The following INTS4 variants were observed in gnomAD, a reference collection of about 807,000 sequenced individuals.
The protein encoded by INTS4 is MSTP093.
Under a neutral mutation model 119.5 loss-of-function variants are expected in INTS4, and 70 were observed. The observed-to-expected ratio is 0.59, with a 90% CI of 0.48 to 0.71. INTS4 has a LOEUF of 0.71. Among genes scored for constraint, INTS4 ranks in the 30% least tolerant of loss-of-function variants. The pLI is 0.00. For missense variants in INTS4, 867 were observed against 1,173.2 expected, an observed-to-expected ratio of 0.74 and a Z score of 3.81; for synonymous variants, 316 against 419.6, an observed-to-expected ratio of 0.75 and a Z score of 3.02.
At position 77,924,524 on chromosome 11, in the gene INTS4, A is replaced by G. The variant is rs764333231; in HGVS notation, c.1514+226T>C. On this transcript the variant is annotated intron_variant, in intron 12 of 22. Transcript: ENST00000534064. Reference sequence around the variant, plus strand: ...ATAGTCAGCACACAGCAGGCACATAATATTTGCTAGGTGGATAGATGCACA... The same window carrying G: ...ATAGTCAGCACACAGCAGGCACATAGTATTTGCTAGGTGGATAGATGCACA... 5 of 495,940 alleles carry G rather than the reference A, an allele frequency of 1.0e-5. No individual in the cohort carries two copies. The Admixed American group carries it at 1.0e-4, about 10-fold the overall frequency. 30.7% of individuals were successfully genotyped at this position (495,940 alleles called of 1,614,324 possible). A position where few individuals can be genotyped will look rare whatever the true frequency, so the allele number is the denominator to read the frequency against.
chr11:77,989,809 G>C (rs1018946632), intron 2 of INTS4, among the ~76,000 whole-genome samples: 1 of 152,164 alleles, frequency 6.6e-6, no homozygotes, highest in Non-Finnish European at 1.5e-5. Context: ...TGAGGCAGGA[G>C]GATCAATTGA....
chr11:77,956,484 A>G (rs1954324413), intron 7 of INTS4, among the ~76,000 whole-genome samples: 1 of 152,152 alleles, frequency 6.6e-6, no homozygotes. Context: ...AGGCAGGTGG[A>G]TAACTTGAGG....
intron 18 of INTS4, among the ~76,000 whole-genome samples, chr11:77,900,304 T>C (rs1367775026): frequency 6.6e-6 from 1 of 152,052 alleles, no homozygotes; most frequent in Non-Finnish European, 1.5e-5. Flanking sequence ...TTTCACCATG[T>C]TAGCCAGGAT....
At chr11:77,988,085 AAAAG>A (rs1856525758) in intron 2 of INTS4, among the ~76,000 whole-genome samples, 1 of 152,230 alleles carries the variant, frequency 6.6e-6, no homozygotes, top group Non-Finnish European at 1.5e-5. Context: ...GAACAACAAA[AAAAG>A]AAAGCCTGAT....
chr11:77,954,439 C>A (rs573821766), intron 8 of INTS4, among the ~76,000 whole-genome samples: 1 of 152,192 alleles, frequency 6.6e-6, no homozygotes, highest in South Asian at 2.1e-4. Flanking sequence ...CATGAGCCAC[C>A]ATGCCCCAAC....
intron 4 of INTS4, among the ~76,000 whole-genome samples, chr11:77,969,901 A>T (rs939900806): frequency 1.3e-5 from 2 of 152,044 alleles, no homozygotes; most frequent in Non-Finnish European, 2.9e-5. Flanking sequence ...ATATAAACTG[A>T]CTCATGTAAT....
intron 8 of INTS4, among the ~76,000 whole-genome samples, chr11:77,944,846 A>C (rs1454075710): frequency 3.3e-5 from 5 of 152,208 alleles, no homozygotes; most frequent in Admixed American, 1.3e-4. Flanking sequence ...TCCAAAATCC[A>C]AAAGCAAAAC....
chr11:77,955,312 G>A (rs1030910912), intron 8 of INTS4, among the ~76,000 whole-genome samples: 1 of 152,146 alleles, frequency 6.6e-6, no homozygotes, highest in African/African-American at 2.4e-5. Context: ...ACTCCTGCCT[G>A]AGCAACAGAG....
chr11:77,884,111 A>G (rs887623885), intron 21 of INTS4, among the ~76,000 whole-genome samples, 159 bp from the exon 22 acceptor site: 2 of 152,200 alleles, frequency 1.3e-5, no homozygotes, highest in African/African-American at 4.8e-5. Context: ...AGACATCTCT[A>G]TTCCCCTAAT....
rs1954466112 is a variant in INTS4 at position 77,961,158 on chromosome 11, A to AG, written c.472-21_472-20insC. 2.0e-6 allele frequency: 3 copies of AG among 1,534,526 alleles called. No individual in the cohort carries two copies. Among genetic ancestry groups the AG allele is most frequent in the Non-Finnish European group, 2.6e-6 (3 of 1,148,754 alleles). On this transcript the variant is annotated intron_variant, in intron 4 of 22. Coordinates refer to ENST00000534064, the MANE Select transcript of INTS4 (RefSeq NM_033547.4). Reference sequence around the variant, plus strand: ...CAGATGCTATTAAAAAAAAAAAAAAAAAGAAAAAAAGAAAAAGAAAAAAAG... The same window carrying AG: ...CAGATGCTATTAAAAAAAAAAAAAAAGAAGAAAAAAAGAAAAAGAAAAAAAG...
In INTS4 at chr11:77,955,980, C is replaced by T; in HGVS notation, c.880G>A (p.Gly294Ser). Residue 294 changes from glycine (G) to serine (S), a missense_variant, in exon 8 of 23, where the codon GGC (glycine) becomes AGC (serine). Transcript: ENST00000534064. The stretch of plus-strand genomic sequence containing the variant: ...GCCTGAACACGAACCACCCAAGAGC[C>T]ATCACTGACCATGTGACAAATTTTG... Reference protein sequence around the residue: ...FGKICHMVSDGSWVVRVQAAK... With the variant: ...FGKICHMVSDSSWVVRVQAAK... 6.2e-7 allele frequency: 1 copy of T among 1,611,372 alleles called. No individual in the cohort carries two copies. The highest frequency in any genetic ancestry group is 8.5e-7 in the Non-Finnish European group (1 of 1,179,670).
chr11:77,900,504 C>T, intron 18 of INTS4: 1 of 589,710 alleles, frequency 1.7e-6, no homozygotes, highest in African/African-American at 1.9e-5. Context: ...TATTTCTGAC[C>T]TAGTATGTTT....
chr11:77,910,512 C>T (rs1953066741), intron 15 of INTS4, among the ~76,000 whole-genome samples: 2 of 151,372 alleles, frequency 1.3e-5, no homozygotes, highest in Non-Finnish European at 2.9e-5. Flanking sequence ...TTAATGGGTG[C>T]AGCACACCAA....
chr11:77,906,893 A>C (rs1448292553), intron 16 of INTS4, among the ~76,000 whole-genome samples: 1 of 152,234 alleles, frequency 6.6e-6, no homozygotes. Flanking sequence ...AATTTATAGT[A>C]AAATTCTGCT....
chr11:77,895,543 A>AG (rs1565229019), intron 18 of INTS4, among the ~76,000 whole-genome samples: 1 of 149,246 alleles, frequency 6.7e-6, no homozygotes, highest in East Asian at 1.9e-4. Flanking sequence ...AAAAAAAAAA[A>AG]AAAAAAAAAA....
At chr11:77,905,941 GTC>G (rs1282754376) in intron 16 of INTS4, among the ~76,000 whole-genome samples, 1 of 152,034 alleles carries the variant, frequency 6.6e-6, no homozygotes, top group Non-Finnish European at 1.5e-5. Flanking sequence ...TGTTGTTATT[GTC>G]TGTTTTATTA....
intron 10 of INTS4, among the ~76,000 whole-genome samples, chr11:77,935,688 G>C (rs898061032): frequency 2.0e-5 from 3 of 151,962 alleles, no homozygotes; most frequent in African/African-American, 7.3e-5. Context: ...TTGAGGCCAG[G>C]ACTTCAAGCC....
rs756021845 is a variant in INTS4, at chr11:77,978,959, A to G, written c.471+37T>C. 2.0e-5 allele frequency: 26 copies of G among 1,289,560 alleles called. 1 individual carries two copies. The highest frequency in any genetic ancestry group is 5.1e-5 in the Admixed American group (3 of 59,110). 79.9% of individuals were successfully genotyped at this position (1,289,560 alleles called of 1,614,324 possible). A position where few individuals can be genotyped will look rare whatever the true frequency, so the allele number is the denominator to read the frequency against. ...TGGTCCTTAGCAGTCCTCAGTTACCAGTTTAGGATGGATCTGAATAGATTT... is the reference window on the plus strand; with the variant it reads ...TGGTCCTTAGCAGTCCTCAGTTACCGGTTTAGGATGGATCTGAATAGATTT... On this transcript the variant is annotated intron_variant, in intron 4 of 22. Transcript: ENST00000534064.
At position 77,980,874 on chromosome 11, in the gene INTS4, T is replaced by TC. The variant is rs1306603567; in HGVS notation, c.364+584dup. On this transcript the variant is annotated intron_variant, in intron 3 of 22. Transcript: ENST00000534064. ...AGGGCGTGGTGGCAGGCACCTGTAG[T>TC]CCCAGCTACTTGGGAGGCTGAGGCA... Among the ~76,000 whole-genome samples the TC allele has an allele frequency of 3.9e-5, 6 of 151,946 alleles. No homozygotes were observed. The East Asian group carries it at 1.2e-3, about 29-fold the overall frequency.
Sources: gnomAD v4.1 joint callset for allele counts (sites outside exome capture counted in the v4.1 genomes callset) on GRCh38, gnomAD v4.1.1 for gene constraint, MANE v1.5 for transcripts, NCBI Gene and HGNC (gene_info 2026-07-23, HGNC 2026-07-21) for gene names.